The following DNAH12 variants were observed in gnomAD, a reference collection of about 807,000 sequenced individuals.
DNAH12 encodes dynein axonemal heavy chain 12.
In DNAH12, 285 loss-of-function variants were observed where a neutral mutation model predicts 371.5. That is an observed-to-expected ratio of 0.77 (90% CI 0.70 to 0.85). The LOEUF is 0.85. Among genes scored for constraint, DNAH12 ranks in the 40% least tolerant of loss-of-function variants. The pLI, the probability that DNAH12 is intolerant of heterozygous loss-of-function variation, is 0.00. For synonymous variants in DNAH12, 1,200 were observed against 1,213.0 expected (o/e 0.99, Z 0.22); for missense variants, 3,611 against 3,689.4 (o/e 0.98, Z 0.55).
chr3:57,314,165 C>G (rs114792212), intron 66 of DNAH12, among the ~76,000 whole-genome samples: 1 of 152,182 alleles, frequency 6.6e-6, no homozygotes, highest in African/African-American at 2.4e-5. Flanking sequence ...CCAACACTGA[C>G]AATGGCACTG....
chr3:57,475,477 A>G (rs1300978690), intron 13 of DNAH12, among the ~76,000 whole-genome samples: 4 of 152,208 alleles, frequency 2.6e-5, no homozygotes, highest in African/African-American at 9.6e-5. Context: ...AGAGTGAATA[A>G]AAAGATACCT....
rs776184662 is a variant in DNAH12 at position 57,525,756 on chromosome 3, C to CTTTTTTTTTT, written c.171-1882_171-1873dup. ...ATGCTAGCAAATAGTATGTCTTATT[C>CTTTTTTTTTT]TTTTTTTTTTTTTTTTTTTTTTTTG... On this transcript the variant is annotated intron_variant, in intron 2 of 73. Transcript: ENST00000495027. Among the ~76,000 whole-genome samples the CTTTTTTTTTT allele has an allele frequency of 2.4e-3, 180 of 76,280 alleles. 16 individuals are homozygous for CTTTTTTTTTT. Among genetic ancestry groups the CTTTTTTTTTT allele is most frequent in the Middle Eastern group, 0.023 (1 of 44 alleles). 50.0% of individuals were successfully genotyped at this position (76,280 alleles called of 152,430 possible). A position where few individuals can be genotyped will look rare whatever the true frequency, so the allele number is the denominator to read the frequency against.
intron 17 of DNAH12, among the ~76,000 whole-genome samples, chr3:57,465,964 T>C (rs1157112123): frequency 2.6e-5 from 4 of 152,106 alleles, no homozygotes; most frequent in African/African-American, 9.7e-5. Flanking sequence ...GATGAGAGTA[T>C]ATATTGGTAT....
At chr3:57,385,990 G>T (rs1023848648) in intron 47 of DNAH12, among the ~76,000 whole-genome samples, 2 of 151,972 alleles carry the variant, frequency 1.3e-5, no homozygotes, top group Non-Finnish European at 2.9e-5. Context: ...GAGTATTCCT[G>T]ATATATTATG....
chr3:57,419,305 C>T, intron 37 of DNAH12, 62 bp downstream of exon 37: 1 of 1,426,618 alleles, frequency 7.0e-7, no homozygotes, highest in Non-Finnish European at 9.2e-7. Flanking sequence ...CAAAAATTGC[C>T]ATAATCCTAT....
At chr3:57,538,183 G>T (rs532948037) in intron 2 of DNAH12, among the ~76,000 whole-genome samples, 25 of 152,202 alleles carry the variant, frequency 1.6e-4, no homozygotes, top group African/African-American at 6.0e-4. Context: ...TTAGCAAAGT[G>T]AGCGCTGACT....
At chr3:57,301,588 C>T in intron 70 of DNAH12, 147 bp downstream of exon 70, 2 of 877,916 alleles carry the variant, frequency 2.3e-6, no homozygotes, top group East Asian at 2.7e-5. Flanking sequence ...ACTCAAGTGA[C>T]CACAGCCAAC....
chr3:57,475,941 G>C (rs1165820083), intron 13 of DNAH12, among the ~76,000 whole-genome samples: 1 of 152,144 alleles, frequency 6.6e-6, no homozygotes, highest in Non-Finnish European at 1.5e-5. Flanking sequence ...TGTGCACTGG[G>C]ATACATGTGT....
At chr3:57,383,079 A>G (rs1334917712) in intron 49 of DNAH12, among the ~76,000 whole-genome samples, 2 of 152,206 alleles carry the variant, frequency 1.3e-5, no homozygotes, top group Admixed American at 6.5e-5. Flanking sequence ...GTTACGTGGC[A>G]GTGTAGGAAG....
At chr3:57,306,897 C>G (rs1268766467) in intron 69 of DNAH12, among the ~76,000 whole-genome samples, 1 of 151,900 alleles carries the variant, frequency 6.6e-6, no homozygotes, top group Non-Finnish European at 1.5e-5. Context: ...TCCTCAATAC[C>G]TCCCTACACA....
At position 57,483,378 on chromosome 3, in the gene DNAH12, G is replaced by A; in HGVS notation, c.1648C>T (p.Gln550Ter). 1.9e-6 allele frequency: 3 copies of A among 1,542,488 alleles called. No individual in the cohort carries two copies. The highest frequency in any genetic ancestry group is 2.6e-6 in the Non-Finnish European group (3 of 1,144,956). ...ATATGCAAATTAAAATTCCTTACCT[G>A]GATCCTTAAAATCAACTCTTCGATT... ...VGIEELILRI[Q>*]ESKRQMSYFL... The change falls in exon 13 of 74, where the codon CAG (glutamine) becomes TAG (stop). Residue 550 changes from glutamine to a stop codon, truncating the protein, a stop_gained and splice_region_variant. Coordinates refer to ENST00000495027, the MANE Select transcript of DNAH12 (RefSeq NM_001366028.2). LOFTEE classifies it high-confidence loss of function.
intron 2 of DNAH12, among the ~76,000 whole-genome samples, chr3:57,531,789 A>C (rs1195362446): frequency 6.6e-6 from 1 of 151,378 alleles, no homozygotes; most frequent in Non-Finnish European, 1.5e-5. Flanking sequence ...AAAAAAAAAA[A>C]AAGCCTTGAG....
intron 2 of DNAH12, among the ~76,000 whole-genome samples, chr3:57,525,377 T>C (rs1027934321): frequency 6.6e-6 from 1 of 152,138 alleles, no homozygotes; most frequent in Non-Finnish European, 1.5e-5. Flanking sequence ...CATATCTAGT[T>C]TGGTACCTTA....
chr3:57,447,548 A>G (rs1342713666), intron 25 of DNAH12, among the ~76,000 whole-genome samples: 2 of 152,234 alleles, frequency 1.3e-5, no homozygotes, highest in African/African-American at 4.8e-5. Context: ...AACTGCTCAA[A>G]AAAAGGTCTA....
In DNAH12 at chr3:57,453,374, C is replaced by T. The variant is rs2065811958; in HGVS notation, c.3486G>A (p.Gln1162=). ...GCTCTACAATCTCATTCAGTTGGTTCTGAAGTTCCTTATAATACTTCTTTA... is the reference window on the plus strand; with the variant it reads ...GCTCTACAATCTCATTCAGTTGGTTTTGAAGTTCCTTATAATACTTCTTTA... The part of the protein sequence containing the change: ...EGLKKYYKEL[Q]NQLNEIVELV... The change falls in exon 24 of 74, where the codon CAG becomes CAA. Residue 1162 remains glutamine (Q), a synonymous_variant. Coordinates refer to ENST00000495027, the MANE Select transcript of DNAH12 (RefSeq NM_001366028.2). The T allele has an allele frequency of 3.9e-6, 6 of 1,548,480 alleles. No individual in the cohort carries two copies. Among genetic ancestry groups the T allele is most frequent in the Non-Finnish European group, 5.2e-6 (6 of 1,145,976 alleles).
chr3:57,418,710 T>C (rs1695972887), intron 37 of DNAH12, among the ~76,000 whole-genome samples: 1 of 152,030 alleles, frequency 6.6e-6, no homozygotes, highest in African/African-American at 2.4e-5. Context: ...TGAGATAAAA[T>C]TGGTCACAGA....
chr3:57,314,589 G>C lies in DNAH12; in HGVS notation c.10567C>G (p.Leu3523Val), dbSNP rs553915190. 5.2e-5 allele frequency: 80 copies of C among 1,549,632 alleles called. 1 individual carries two copies. Among genetic ancestry groups the C allele is most frequent in the Non-Finnish European group, 6.5e-5 (75 of 1,146,546 alleles). The part of the protein sequence containing the change: ...LLFGVCFFHA[L>V]VQERKKFGPL... Reference sequence around the variant, plus strand: ...CCAAATTTCTTTCTCTCTTGCACAAGGGCATGAAAAAAACAAACTCCAAAC... The same window carrying C: ...CCAAATTTCTTTCTCTCTTGCACAACGGCATGAAAAAAACAAACTCCAAAC... The change falls in exon 66 of 74, where the codon CTT becomes GTT. Residue 3523 changes from leucine (L) to valine (V), a missense_variant. Coordinates refer to ENST00000495027, the MANE Select transcript of DNAH12 (RefSeq NM_001366028.2).
intron 43 of DNAH12, among the ~76,000 whole-genome samples, chr3:57,399,750 A>AC (rs1365838598): frequency 6.6e-6 from 1 of 152,108 alleles, no homozygotes; most frequent in Admixed American, 6.5e-5. Flanking sequence ...TCCTCAGCCT[A>AC]CCCAACATGA....
At chr3:57,390,015 T>C (rs2063581877) in intron 45 of DNAH12, among the ~76,000 whole-genome samples, 2 of 149,450 alleles carry the variant, frequency 1.3e-5, no homozygotes, top group African/African-American at 4.9e-5. Context: ...TTTGTATTTT[T>C]AGTAGAGATG....
Sources: allele counts gnomAD v4.1 joint callset (sites outside exome capture counted in the v4.1 genomes callset), GRCh38; gene constraint gnomAD v4.1.1; transcripts MANE v1.5; gene names NCBI Gene and HGNC (gene_info 2026-07-23, HGNC 2026-07-21).